CHERP: variants seen among roughly 807,000 people sequenced by gnomAD.
CHERP encodes calcium homeostasis endoplasmic reticulum protein, also known as ERPROT 213-21.
In CHERP, 8 loss-of-function variants were observed where a neutral mutation model predicts 113.8. The ratio of observed to expected loss-of-function variants is 0.07; its 90% CI spans 0.04 to 0.13. The LOEUF (loss-of-function observed/expected upper bound fraction) is 0.13. Ranked by LOEUF, CHERP falls within the 10% of genes least tolerant of loss-of-function variation. The probability of loss-of-function intolerance (pLI) is 1.00; values close to 1 mark genes in which losing one functional copy is unlikely to be tolerated. For missense variants in CHERP, 884 were observed against 1,298.2 expected (o/e 0.68, Z 4.90); for synonymous variants, 559 against 524.5 (o/e 1.07, Z -0.90).
chr19:16,540,442 G>A (rs1339518205), intron 2 of CHERP, among the ~76,000 whole-genome samples: 3 of 148,320 alleles, frequency 2.0e-5, no homozygotes, highest in Non-Finnish European at 4.5e-5. Flanking sequence ...GTGTGGTCTC[G>A]GCTCAATGCA....
rs543141111 is a variant in CHERP, at chr19:16,520,863, G to A, written c.2164C>T (p.Arg722Trp). The change falls in exon 13 of 17, where the codon CGG becomes TGG. Residue 722 changes from arginine to tryptophan, a missense_variant. By Grantham distance (101) the Arg-to-Trp change is moderately radical. Coordinates refer to ENST00000546361, the MANE Select transcript of CHERP (RefSeq NM_006387.6). This position sits in a 1 kb window ranked among gnomAD's most constrained non-coding sequence, Gnocchi z 4.0. ...GLYEFFRAKM[R>W]ARRRKGQEKR... Reference sequence around the variant, plus strand: ...TCCTGGCCTTTCCTCCGCCGGGCCCGCATTTTTGCTCGGAAGAACTCATAG... The same window carrying A: ...TCCTGGCCTTTCCTCCGCCGGGCCCACATTTTTGCTCGGAAGAACTCATAG... 3.1e-6 allele frequency: 5 copies of A among 1,613,714 alleles called. No homozygotes were observed. Among genetic ancestry groups the A allele is most frequent in the Non-Finnish European group, 4.2e-6 (5 of 1,180,030 alleles).
At position 16,523,365 on chromosome 19, in the gene CHERP, G is replaced by C; in HGVS notation, c.1742-75C>G. 1 of 1,552,598 alleles carries C rather than the reference G, an allele frequency of 6.4e-7. No individual in the cohort carries two copies. Among genetic ancestry groups the C allele is most frequent in the Non-Finnish European group, 8.8e-7 (1 of 1,142,658 alleles). On this transcript the variant is annotated intron_variant, in intron 10 of 16. Coordinates refer to ENST00000546361, the MANE Select transcript of CHERP (RefSeq NM_006387.6). This position sits in a 1 kb window ranked among gnomAD's most constrained non-coding sequence, Gnocchi z 4.0. The stretch of plus-strand genomic sequence containing the variant: ...AGGCGACAAGTGCTGGAGGGGAGGG[G>C]CTCAGTGAAGGGCCAGGAGACGAAC...
chr19:16,520,524 G>C lies in CHERP; in HGVS notation c.2202-17C>G. The C allele has an allele frequency of 6.2e-7, 1 of 1,605,174 alleles. No homozygotes were observed. Among genetic ancestry groups the C allele is most frequent in the East Asian group, 2.2e-5 (1 of 44,834 alleles). ...GAGGGTCCGCTGTGGGGAGAGGCCT[G>C]ATGATCAGGTGCCCCAGTGGATGGG... On this transcript the variant is annotated splice_polypyrimidine_tract_variant and intron_variant, in intron 13 of 16. Transcript: ENST00000546361. The surrounding 1 kb of genome is among the most constrained non-coding windows in gnomAD (Gnocchi z 4.0).
In CHERP at chr19:16,530,743, C is replaced by A; in HGVS notation, c.786+26G>T. 6.2e-7 allele frequency: 1 copy of A among 1,613,974 alleles called. No individual in the cohort carries two copies. On this transcript the variant is annotated intron_variant, in intron 6 of 16. Coordinates refer to ENST00000546361, the MANE Select transcript of CHERP (RefSeq NM_006387.6). This position sits in a 1 kb window ranked among gnomAD's most constrained non-coding sequence, Gnocchi z 4.1. ...AAGGCCTGTGTGTCCCGGTCTTGCC[C>A]AACCCCCGGCCCGGGGCCCACGCAC...
chr19:16,521,246 G>T, intron 12 of CHERP: 4 of 570,176 alleles, frequency 7.0e-6, no homozygotes, highest in Non-Finnish European at 1.2e-5. Context: ...CCACTGGGAA[G>T]GGTGGGCTGA....
chr19:16,542,099 G>T (rs2085784016), intron 1 of CHERP, 56 bp from the exon 2 acceptor site: 2 of 1,539,704 alleles, frequency 1.3e-6, no homozygotes, highest in Non-Finnish European at 8.7e-7. Context: ...CCAAAGCCGG[G>T]GGACTCGGCG....
intron 9 of CHERP, among the ~76,000 whole-genome samples, chr19:16,527,158 C>T (rs1383124642): frequency 6.6e-6 from 1 of 152,206 alleles, no homozygotes; most frequent in African/African-American, 2.4e-5. Flanking sequence ...GCCCAACCCT[C>T]TGGTCTGCAA....
chr19:16,533,773 A>C (rs1365444524), intron 3 of CHERP, among the ~76,000 whole-genome samples: 6 of 151,018 alleles, frequency 4.0e-5, no homozygotes, highest in African/African-American at 1.2e-4. Context: ...AACAACAACA[A>C]AACAACAACA....
At position 16,519,135 on chromosome 19, in the gene CHERP, C is replaced by T. The variant is rs199924064; in HGVS notation, c.*24G>A. On this transcript the variant is annotated 3_prime_UTR_variant, in exon 17 of 17. Coordinates refer to ENST00000546361, the MANE Select transcript of CHERP (RefSeq NM_006387.6). The surrounding 1 kb of genome is among the most constrained non-coding windows in gnomAD (Gnocchi z 6.0). ...TCCCACAGCCGGCACCGCTGGCCAC[C>T]GGCGCGGCTCCCGGCATGGGCGCCT... is the stretch of plus-strand genomic sequence containing the variant. 479 of 1,601,052 alleles carry T rather than the reference C, an allele frequency of 3.0e-4. No homozygotes were observed. In the East Asian group the frequency reaches 3.1e-3, roughly 10 times the overall value.
In CHERP at chr19:16,530,809, A is replaced by G; in HGVS notation, c.746T>C (p.Phe249Ser). 6.2e-7 allele frequency: 1 copy of G among 1,613,930 alleles called. No individual in the cohort carries two copies. Among genetic ancestry groups the G allele is most frequent in the Non-Finnish European group, 8.5e-7 (1 of 1,179,986 alleles). Reference sequence around the variant, plus strand: ...CTGCTTGTCTTCCTCCACGGCCAAGAAGCTGGTGCAGTAGATGGGCACCAC... The same window carrying G: ...CTGCTTGTCTTCCTCCACGGCCAAGGAGCTGGTGCAGTAGATGGGCACCAC... Reference protein sequence around the residue: ...KVVVPIYCTSFLAVEEDKQQK... With the variant: ...KVVVPIYCTSSLAVEEDKQQK... The change falls in exon 6 of 17, where the codon TTC (phenylalanine) becomes TCC (serine). Residue 249 changes from phenylalanine (F) to serine (S), a missense_variant. Physicochemically the swap from Phe to Ser is radical, Grantham distance 155 (BLOSUM62 -2). Transcript: ENST00000546361. The surrounding 1 kb of genome is among the most constrained non-coding windows in gnomAD (Gnocchi z 4.1).
chr19:16,525,134 A>C lies in CHERP; in HGVS notation c.1741+108T>G. ...GACGTCCCATGACCCTGTGTCTGTC[A>C]CTGTGCACTCAGGAGCATGGCAGGG... On this transcript the variant is annotated intron_variant, in intron 10 of 16. Transcript: ENST00000546361. This position sits in a 1 kb window ranked among gnomAD's most constrained non-coding sequence, Gnocchi z 6.5. 1 of 1,079,116 alleles carries C rather than the reference A, an allele frequency of 9.3e-7. No individual in the cohort carries two copies. The highest frequency in any genetic ancestry group is 1.2e-6 in the Non-Finnish European group (1 of 805,908). The allele number at this position is 1,079,116 out of a possible 1,614,324, so 66.8% of individuals were successfully genotyped here.
intron 2 of CHERP, chr19:16,539,549 C>T (rs1018083676): frequency 6.6e-6 from 1 of 152,154 alleles, no homozygotes; most frequent in Admixed American, 6.6e-5. Flanking sequence ...CAGCTGATCT[C>T]TCTCCACCCC....
Position 16,519,816 on chromosome 19 carries a change from T to C in CHERP, c.2463-101A>G, listed in dbSNP as rs1253051404. On this transcript the variant is annotated intron_variant, in intron 15 of 16. Coordinates refer to ENST00000546361, the MANE Select transcript of CHERP (RefSeq NM_006387.6). This position sits in a 1 kb window ranked among gnomAD's most constrained non-coding sequence, Gnocchi z 6.0. ...AGCCGCAGCTTGCGTGCATGCTCAC[T>C]GTCACCAGGTGACACCGTATGCAGA... 5.0e-6 allele frequency: 5 copies of C among 994,140 alleles called. No homozygotes were observed. Among genetic ancestry groups the C allele is most frequent in the South Asian group, 1.3e-5 (1 of 76,386 alleles). The allele number at this position is 994,140 out of a possible 1,614,324, so 61.6% of individuals were successfully genotyped here.
chr19:16,526,899 C>T (rs951454874), intron 9 of CHERP, among the ~76,000 whole-genome samples: 16 of 152,090 alleles, frequency 1.1e-4, no homozygotes, highest in East Asian at 3.9e-4. Context: ...GTAGCTGGGA[C>T]GACAGGTGTG....
rs1422306221 is a variant in CHERP at position 16,533,163 on chromosome 19, C to T, written c.385-15G>A. ...GTCACTTGCTCCTGCGGGCGGGGGT[C>T]GGTGGGGTCGAGAACACATGAGGAG... On this transcript the variant is annotated splice_polypyrimidine_tract_variant and intron_variant, in intron 3 of 16. Transcript: ENST00000546361. The T allele has an allele frequency of 3.3e-5, 52 of 1,572,048 alleles. No individual in the cohort carries two copies. The highest frequency in any genetic ancestry group is 4.3e-5 in the Non-Finnish European group (50 of 1,160,032).
In CHERP at chr19:16,525,376, T is replaced by A; in HGVS notation, c.1607A>T (p.Asn536Ile). The A allele has an allele frequency of 6.7e-7, 1 of 1,495,904 alleles. No homozygotes were observed. The highest frequency in any genetic ancestry group is 8.9e-7 in the Non-Finnish European group (1 of 1,122,906). 92.7% of individuals were successfully genotyped at this position (1,495,904 alleles called of 1,614,324 possible). The change falls in exon 10 of 17, where the codon AAC (asparagine) becomes ATC (isoleucine). Residue 536 changes from asparagine to isoleucine, a missense_variant. By Grantham distance (149) the Asn-to-Ile change is moderately radical. Around this residue, in one of 8 missense-constraint regions of CHERP, gnomAD observed 464 missense variants for 590.1 expected, o/e 0.79. Transcript: ENST00000546361. The surrounding 1 kb of genome is among the most constrained non-coding windows in gnomAD (Gnocchi z 6.5). ...GAAGTTGTGGGGGTGCGGAGGCTGG[T>A]TGAACTGCGGGTGCTGCTGGTGGGG... ...FPPHQQHPQF[N>I]QPPHPHNFNR...
chr19:16,535,217 G>T lies in CHERP; in HGVS notation c.384+235C>A, dbSNP rs2085733007. The stretch of plus-strand genomic sequence containing the variant: ...ACGTGCCCCACAGTCCCACTCAGGG[G>T]GGTCCACCCCAGGGTGATGGGTGCA... On this transcript the variant is annotated intron_variant, in intron 3 of 16. Transcript: ENST00000546361. The surrounding 1 kb of genome is among the most constrained non-coding windows in gnomAD (Gnocchi z 4.3). Among the ~76,000 whole-genome samples, 1 of 152,244 alleles carries T rather than the reference G, an allele frequency of 6.6e-6. No homozygotes were observed. Among genetic ancestry groups the T allele is most frequent in the African/African-American group, 2.4e-5 (1 of 41,472 alleles).
chr19:16,521,558 A>C lies in CHERP; in HGVS notation c.2077T>G (p.Phe693Val). 2 of 1,604,478 alleles carry C rather than the reference A, an allele frequency of 1.2e-6. No homozygotes were observed. The highest frequency in any genetic ancestry group is 1.7e-6 in the Non-Finnish European group (2 of 1,176,722). Residue 693 changes from phenylalanine (F) to valine (V), a missense_variant, in exon 12 of 17, where the codon TTC (phenylalanine) becomes GTC (valine). Transcript: ENST00000546361. ...SERLLAAVEAFYSPPSHDRPR... is the reference protein window; with the variant it reads ...SERLLAAVEAVYSPPSHDRPR... ...CTGTCGTGGGACGGGGGGCTGTAGA[A>C]GGCCTCCACTGCAGCCAGCAGCCTC...
chr19:16,534,085 GCT>G (rs2085726036), intron 3 of CHERP, among the ~76,000 whole-genome samples: 1 of 145,090 alleles, frequency 6.9e-6, no homozygotes, highest in African/African-American at 2.6e-5. Flanking sequence ...ATGGAATCTC[GCT>G]CTGTCGCCCA....
Sources: allele counts gnomAD v4.1 joint callset (sites outside exome capture counted in the v4.1 genomes callset), GRCh38; gene constraint gnomAD v4.1.1; regional missense constraint gnomAD v4.1.1; non-coding constraint Gnocchi (gnomAD v3.1); transcripts MANE v1.5; gene names NCBI Gene and HGNC (gene_info 2026-07-23, HGNC 2026-07-21).